The following ESPNL variants were observed in gnomAD, a reference collection of about 807,000 sequenced individuals.
ESPNL encodes the protein espin-like protein.
ESPNL carries 49 observed loss-of-function variants against 46.8 expected under a neutral mutation model. The observed-to-expected ratio is 1.05, with a 90% CI of 0.83 to 1.33. ESPNL has a LOEUF of 1.33. Ranked by LOEUF, ESPNL falls within the 40% of genes most tolerant of loss-of-function variation. The pLI, the probability that ESPNL is intolerant of heterozygous loss-of-function variation, is 0.00. For missense variants in ESPNL, 1,540 were observed against 1,436.6 expected (o/e 1.07, Z -1.16); for synonymous variants, 664 against 662.1 (o/e 1.00, Z -0.04).
chr2:238,113,963 C>T (rs73098386), intron 4 of ESPNL, among the ~76,000 whole-genome samples: 6,421 of 152,244 alleles, frequency 0.042, 144 homozygotes, highest in Middle Eastern at 0.075. Context: ...TGAGTGTGGC[C>T]GTGTCACTCC....
intron 8 of ESPNL, chr2:238,129,142 G>A (rs1342487698): frequency 2.9e-6 from 4 of 1,399,792 alleles, no homozygotes; most frequent in Non-Finnish European, 3.7e-6. Context: ...CCACTTGGCG[G>A]ATTTGTGGCA....
chr2:238,108,137 C>A (rs1337282522), intron 4 of ESPNL, among the ~76,000 whole-genome samples, 164 bp downstream of exon 4: 1 of 152,220 alleles, frequency 6.6e-6, no homozygotes, highest in African/African-American at 2.4e-5. Context: ...AGGTCAAGAT[C>A]CCAGGGTCAA....
chr2:238,126,811 GTGTC>G (rs376516588), intron 6 of ESPNL, among the ~76,000 whole-genome samples: 35 of 151,410 alleles, frequency 2.3e-4, no homozygotes, highest in Admixed American at 4.6e-4. Context: ...TGTCTGTTCT[GTGTC>G]TGTGTGTTTC....
chr2:238,118,848 A>C (rs1559263619), intron 5 of ESPNL, among the ~76,000 whole-genome samples: 10 of 129,832 alleles, frequency 7.7e-5, no homozygotes, highest in Non-Finnish European at 1.6e-4. Context: ...TGGAAGGAAG[A>C]GGGTGGATGG....
chr2:238,130,651 A>G lies in ESPNL; in HGVS notation c.1937A>G (p.Gln646Arg). ...PPRSEAQRQI[Q>R]EWGVSVRTLR... ...CGGAGCGAGGCCCAGCGCCAGATCC[A>G]GGAGTGGGGGGTGTCTGTGCGGACG... is the stretch of plus-strand genomic sequence containing the variant. Residue 646 changes from glutamine (Q) to arginine (R), a missense_variant, in exon 9 of 9, where the codon CAG becomes CGG. Coordinates refer to ENST00000343063, the MANE Select transcript of ESPNL (RefSeq NM_194312.4). 2 of 1,561,546 alleles carry G rather than the reference A, an allele frequency of 1.3e-6. No individual in the cohort carries two copies. The highest frequency in any genetic ancestry group is 1.7e-6 in the Non-Finnish European group (2 of 1,153,158).
Position 238,100,599 on chromosome 2 carries a change from G to A in ESPNL, c.180G>A (p.Gln60=). Residue 60 remains glutamine (Q), a synonymous_variant, in exon 1 of 9, where the codon CAG becomes CAA. Coordinates refer to ENST00000343063, the MANE Select transcript of ESPNL (RefSeq NM_194312.4). The part of the protein sequence containing the change: ...DCVKFLVQRA[Q]LPGNQRAHNG... ...TCAAGTTCTTGGTGCAGCGGGCCCA[G>A]CTGCCCGGCAACCAGCGGGCCCACA... is the stretch of plus-strand genomic sequence containing the variant. The A allele has an allele frequency of 6.6e-7, 1 of 1,525,316 alleles. No homozygotes were observed. Among genetic ancestry groups the A allele is most frequent in the Non-Finnish European group, 8.8e-7 (1 of 1,140,524 alleles). 94.5% of individuals were successfully genotyped at this position (1,525,316 alleles called of 1,614,324 possible).
intron 4 of ESPNL, among the ~76,000 whole-genome samples, chr2:238,110,756 G>A (rs1054387282): frequency 1.3e-5 from 2 of 151,518 alleles, no homozygotes; most frequent in Admixed American, 1.3e-4. Flanking sequence ...TCCCTTTTCT[G>A]TCCCAGGATC....
chr2:238,119,423 T>TGAATGG (rs1691928382), intron 5 of ESPNL, among the ~76,000 whole-genome samples: 1 of 50,158 alleles, frequency 2.0e-5, no homozygotes, highest in African/African-American at 9.5e-5. Flanking sequence ...TGGAGGAGGG[T>TGAATGG]AGATGGAGGA....
chr2:238,107,783 T>C lies in ESPNL; in HGVS notation c.673-8T>C, dbSNP rs776002646. The C allele has an allele frequency of 5.1e-6, 8 of 1,572,552 alleles. No individual in the cohort carries two copies. Among genetic ancestry groups the C allele is most frequent in the Non-Finnish European group, 6.9e-6 (8 of 1,158,188 alleles). ...GGATGGCTGCTCCCTCTGCCCCTCC[T>C]TCCCCAGGTCACATTCACCGACATC... On this transcript the variant is annotated splice_region_variant and splice_polypyrimidine_tract_variant and intron_variant, in intron 3 of 8. Transcript: ENST00000343063.
rs952472348 is a variant in ESPNL at position 238,129,335 on chromosome 2, G to A, written c.1413+431G>A. The A allele has an allele frequency of 6.8e-6, 6 of 876,696 alleles. No homozygotes were observed. In the African/African-American group the frequency reaches 1.1e-4, roughly 16 times the overall value. 54.3% of individuals were successfully genotyped at this position (876,696 alleles called of 1,614,324 possible). A position where few individuals can be genotyped will look rare whatever the true frequency, so the allele number is the denominator to read the frequency against. On this transcript the variant is annotated intron_variant, in intron 8 of 8. Transcript: ENST00000343063. ...CTTAGGGGGCCCCCTCTGGGGACGT[G>A]GCCTTGAGCAGGGGCCAGAGGGAAG...
At chr2:238,102,624 G>A (rs745554289) in intron 2 of ESPNL, among the ~76,000 whole-genome samples, 3 of 152,124 alleles carry the variant, frequency 2.0e-5, no homozygotes, top group Non-Finnish European at 1.5e-5. Flanking sequence ...TGGCCTCATC[G>A]TCTCTGGGGC....
chr2:238,127,865 C>T lies in ESPNL; in HGVS notation c.1215+131C>T, dbSNP rs761355246. On this transcript the variant is annotated intron_variant, in intron 7 of 8. Coordinates refer to ENST00000343063, the MANE Select transcript of ESPNL (RefSeq NM_194312.4). ...TGAAGGGTGGATGCCAGGCTGCCTGCGTCACTCCGCTGCTCTCGAGAACAC... is the reference window on the plus strand; with the variant it reads ...TGAAGGGTGGATGCCAGGCTGCCTGTGTCACTCCGCTGCTCTCGAGAACAC... The T allele has an allele frequency of 1.2e-4, 79 of 660,484 alleles. No homozygotes were observed. In the Admixed American group the frequency reaches 1.5e-3, roughly 13 times the overall value. 40.9% of individuals were successfully genotyped at this position (660,484 alleles called of 1,614,324 possible).
intron 5 of ESPNL, among the ~76,000 whole-genome samples, chr2:238,120,086 T>A (rs576204911): frequency 6.9e-6 from 1 of 145,664 alleles, no homozygotes; most frequent in South Asian, 2.2e-4. Context: ...ACGTATTTAC[T>A]AAATGGTGTG....
At chr2:238,110,880 G>A (rs577842128) in intron 4 of ESPNL, among the ~76,000 whole-genome samples, 46 of 151,948 alleles carry the variant, frequency 3.0e-4, no homozygotes, top group Non-Finnish European at 4.9e-4. Context: ...TGATCCTCCA[G>A]CAGCCTCTAA....
intron 1 of ESPNL, among the ~76,000 whole-genome samples, chr2:238,101,191 T>A (rs1391083551): frequency 6.6e-6 from 1 of 152,154 alleles, no homozygotes; most frequent in African/African-American, 2.4e-5. Context: ...CCAGTCCCCT[T>A]TGTGCAGGCG....
rs1316916391 is a variant in ESPNL, at chr2:238,100,720, G to A, written c.294+7G>A. On this transcript the variant is annotated splice_region_variant and intron_variant, in intron 1 of 8. Coordinates refer to ENST00000343063, the MANE Select transcript of ESPNL (RefSeq NM_194312.4). ...GGGGGGCTGCGGTCTGCAGGTGAGC[G>A]GGGATGGGGCAGCCTGGCTCCACGA... The A allele has an allele frequency of 1.1e-5, 15 of 1,412,300 alleles. No individual in the cohort carries two copies. Among genetic ancestry groups the A allele is most frequent in the South Asian group, 1.6e-5 (1 of 64,264 alleles). 87.5% of individuals were successfully genotyped at this position (1,412,300 alleles called of 1,614,324 possible).
chr2:238,100,506 G>A lies in ESPNL; in HGVS notation c.87G>A (p.Pro29=), dbSNP rs758989574. ...ERLLEAGALG[P]GITDALGAGL... ...TGCTGGAGGCTGGCGCCCTGGGCCC[G>A]GGCATCACCGATGCTCTGGGGGCCG... is the stretch of plus-strand genomic sequence containing the variant. The change falls in exon 1 of 9, where the codon CCG becomes CCA. Residue 29 remains proline, a synonymous_variant. Coordinates refer to ENST00000343063, the MANE Select transcript of ESPNL (RefSeq NM_194312.4). 75 of 1,596,690 alleles carry A rather than the reference G, an allele frequency of 4.7e-5. No individual in the cohort carries two copies. The highest frequency in any genetic ancestry group is 1.6e-4 in the African/African-American group (12 of 74,766).
rs1314722075 is a variant in ESPNL at position 238,125,313 on chromosome 2, C to A, written c.1031C>A (p.Pro344His). ...CCCCCACCACCACCGTTCCCCCCAC[C>A]TCCACTGTTGGCCACGAGGCGCTCC... ...MTPPPPPFPP[P>H]PLLATRRSLE... Residue 344 changes from proline (P) to histidine (H), a missense_variant, in exon 6 of 9, where the codon CCT (proline) becomes CAT (histidine). By Grantham distance (77) the Pro-to-His change is moderately conservative. Transcript: ENST00000343063. 6.4e-7 allele frequency: 1 copy of A among 1,569,128 alleles called. No homozygotes were observed. The highest frequency in any genetic ancestry group is 2.4e-5 in the East Asian group (1 of 42,114).
intron 6 of ESPNL, among the ~76,000 whole-genome samples, chr2:238,126,573 G>C (rs111072236): frequency 3.7e-3 from 540 of 144,894 alleles, no homozygotes; most frequent in Non-Finnish European, 6.0e-3. Context: ...GTGTTTGTGT[G>C]TGTCTGTGAT....
Sources: allele counts gnomAD v4.1 joint callset (sites outside exome capture counted in the v4.1 genomes callset), GRCh38; gene constraint gnomAD v4.1.1; transcripts MANE v1.5; gene names NCBI Gene and HGNC (gene_info 2026-07-23, HGNC 2026-07-21).